The following OR6J1 variants were observed in gnomAD, a reference collection of about 807,000 sequenced individuals.
OR6J1 encodes olfactory receptor 6J1.
For missense variants in OR6J1, 304 were observed against 166.8 expected (o/e 1.82, Z -4.53); for synonymous variants, 109 against 70.0 (o/e 1.56, Z -2.78).
At chr14:22,637,585 G>A (rs2037600985) in intron 1 of OR6J1, among the ~76,000 whole-genome samples, 1 of 51,788 alleles carries the variant, frequency 1.9e-5, no homozygotes, top group Admixed American at 1.3e-4. Flanking sequence ...GGAGGGAGGT[G>A]GGGGGGTCAG....
chr14:22,640,548 T>C (rs1435668645), intron 1 of OR6J1, among the ~76,000 whole-genome samples: 1 of 145,392 alleles, frequency 6.9e-6, no homozygotes, highest in Non-Finnish European at 1.5e-5. Context: ...TGGAGTGCAG[T>C]AGTGGTAGCA....
Position 22,633,836 on chromosome 14 carries a change from TG to T in OR6J1, c.975del (p.Asn326ThrfsTer18). 1 of 702,608 alleles carries T rather than the reference TG, an allele frequency of 1.4e-6. No individual in the cohort carries two copies. The highest frequency in any genetic ancestry group is 2.6e-6 in the Non-Finnish European group (1 of 384,684). The allele number at this position is 702,608 out of a possible 1,614,324, so 43.5% of individuals were successfully genotyped here. Reference protein sequence around the residue: ...MRAVLRSRLSSNKDHQGRACS... With the variant: ...MRAVLRSRLSXNKDHQGRACS... ...CAAGCCCTTCCTTGGTGGTCTTTGT[TG>T]GAGGATAATCTGCTTCTCAGCACTG... On this transcript the variant is annotated frameshift_variant, in exon 2 of 2. Coordinates refer to ENST00000540461, the MANE Select transcript of OR6J1 (RefSeq NM_001348233.2). LOFTEE classifies it low-confidence loss of function (END_TRUNC).
At chr14:22,643,764 C>CACACACACACAG (rs1466950724) in intron 1 of OR6J1, among the ~76,000 whole-genome samples, 1 of 37,694 alleles carries the variant, frequency 2.7e-5, no homozygotes, top group Non-Finnish European at 5.1e-5. Flanking sequence ...CACACACACA[C>CACACACACACAG]AGAGAGAGAG....
At chr14:22,642,972 T>G (rs1417755270) in intron 1 of OR6J1, among the ~76,000 whole-genome samples, 1 of 150,866 alleles carries the variant, frequency 6.6e-6, no homozygotes, top group Non-Finnish European at 1.5e-5. Context: ...CTGGATAATT[T>G]TTTTTTTTTT....
chr14:22,635,817 G>A (rs1292784285), intron 1 of OR6J1, among the ~76,000 whole-genome samples: 1 of 152,128 alleles, frequency 6.6e-6, no homozygotes, highest in Admixed American at 6.5e-5. Flanking sequence ...AAACTTTTGT[G>A]TAAAGATCAA....
chr14:22,638,860 TCCC>T (rs2037618089), intron 1 of OR6J1, among the ~76,000 whole-genome samples: 1 of 110,278 alleles, frequency 9.1e-6, no homozygotes, highest in Non-Finnish European at 1.9e-5. Context: ...CCGGCCGCCA[TCCC>T]ATCTAGGAAG....
rs1034502918 is a variant in OR6J1, at chr14:22,633,890, G to A, written c.922C>T (p.Arg308Ter). 19 of 702,648 alleles carry A rather than the reference G, an allele frequency of 2.7e-5. No homozygotes were observed. The highest frequency in any genetic ancestry group is 2.3e-4 in the Middle Eastern group (1 of 4,388). 43.5% of individuals were successfully genotyped at this position (702,648 alleles called of 1,614,324 possible). ...CTCATCCTCTTTTCAAAAACTCCTC[G>A]AACCCTGACCCACACATCCCTGAGG... ...GVLRDVWVRV[R>*]GVFEKRMRAV... The change falls in exon 2 of 2, where the codon CGA becomes TGA. Residue 308 changes from arginine (R) to a stop codon, truncating the protein, a stop_gained. Coordinates refer to ENST00000540461, the MANE Select transcript of OR6J1 (RefSeq NM_001348233.2). LOFTEE classifies it low-confidence loss of function (END_TRUNC).
intron 1 of OR6J1, among the ~76,000 whole-genome samples, chr14:22,637,267 T>G (rs1220816118): frequency 3.0e-5 from 2 of 65,836 alleles, no homozygotes; most frequent in Non-Finnish European, 2.7e-5. Flanking sequence ...AGCCACCCCG[T>G]CCGGGAGGGA....
chr14:22,634,660 C>A lies in OR6J1; in HGVS notation c.152G>T (p.Cys51Phe). ...NLLIISTVLS[C>F]SRLHTPMYFF... ...GTACATGGGGGTGTGGAGGCGGGAG[C>A]AGGACAGCACAGTGGAGATGATGAG... Residue 51 changes from cysteine to phenylalanine, a missense_variant, in exon 2 of 2, where the codon TGC becomes TTC. Transcript: ENST00000540461. 1 of 741,164 alleles carries A rather than the reference C, an allele frequency of 1.3e-6. No individual in the cohort carries two copies. The highest frequency in any genetic ancestry group is 1.7e-5 in the African/African-American group (1 of 58,468). The allele number at this position is 741,164 out of a possible 1,614,324, so 45.9% of individuals were successfully genotyped here.
At chr14:22,638,100 T>A (rs2037609275) in intron 1 of OR6J1, among the ~76,000 whole-genome samples, 1 of 89,658 alleles carries the variant, frequency 1.1e-5, no homozygotes, top group African/African-American at 7.3e-5. Context: ...CGGCCGCCCC[T>A]ACTGGGAAGT....
intron 1 of OR6J1, among the ~76,000 whole-genome samples, chr14:22,642,347 A>G (rs1197851837): frequency 2.2e-5 from 2 of 92,486 alleles, no homozygotes; most frequent in Non-Finnish European, 4.4e-5. Flanking sequence ...ATATATATAT[A>G]TATATATTTG....
Position 22,640,232 on chromosome 14 carries a change from A to AGGAT in OR6J1, c.-28+3865_-28+3866insATCC, listed in dbSNP as rs1457662791. On this transcript the variant is annotated intron_variant, in intron 1 of 1. Coordinates refer to ENST00000540461, the MANE Select transcript of OR6J1 (RefSeq NM_001348233.2). Reference sequence around the variant, plus strand: ...AGGGAGGGAGGGAGGGAGGGAGGGAAGGAAGGATGGAAGGAAGGAAGGAAG... The same window carrying AGGAT: ...AGGGAGGGAGGGAGGGAGGGAGGGAAGGATGGAAGGATGGAAGGAAGGAAGGAAG... Among the ~76,000 whole-genome samples the AGGAT allele has an allele frequency of 3.1e-3, 271 of 88,162 alleles. 7 individuals carry two copies. The highest frequency in any genetic ancestry group is 0.011 in the African/African-American group (256 of 23,932). 57.8% of individuals were successfully genotyped at this position (88,162 alleles called of 152,430 possible). A position where few individuals can be genotyped will look rare whatever the true frequency, so the allele number is the denominator to read the frequency against.
At position 22,631,644 on chromosome 14, in the gene OR6J1, A is replaced by T. The variant is rs1461984872; in HGVS notation, c.*2124T>A. Reference sequence around the variant, plus strand: ...AATTATCACATGGTCCTGAGGTGACATACATCTTCCTCAGCTGACAGGATT... The same window carrying T: ...AATTATCACATGGTCCTGAGGTGACTTACATCTTCCTCAGCTGACAGGATT... On this transcript the variant is annotated 3_prime_UTR_variant, in exon 2 of 2. Transcript: ENST00000540461. The T allele has an allele frequency of 6.6e-6, 1 of 152,248 alleles. No homozygotes were observed. Among genetic ancestry groups the T allele is most frequent in the Non-Finnish European group, 1.5e-5 (1 of 68,046 alleles). The allele number at this position is 152,248 out of a possible 1,614,324, so 9.4% of individuals were successfully genotyped here.
At chr14:22,642,991 G>A (rs989026020) in intron 1 of OR6J1, among the ~76,000 whole-genome samples, 1 of 150,384 alleles carries the variant, frequency 6.6e-6, no homozygotes, top group Non-Finnish European at 1.5e-5. Context: ...TTTTGAGATG[G>A]AGTTTTACTC....
intron 1 of OR6J1, among the ~76,000 whole-genome samples, chr14:22,639,224 A>G (rs1311718750): frequency 8.3e-6 from 1 of 120,396 alleles, no homozygotes; most frequent in Non-Finnish European, 1.6e-5. Flanking sequence ...CCCGTCCGGG[A>G]GGGAGGTGGT....
chr14:22,634,936 G>A (rs940124923), intron 1 of OR6J1, 98 bp from the exon 2 acceptor site: 4 of 578,698 alleles, frequency 6.9e-6, no homozygotes, highest in African/African-American at 5.6e-5. Flanking sequence ...CATGATGACT[G>A]CCAGCTAGAC....
chr14:22,640,494 T>TTTTTTTTTTTTTTTTTTTTTTA (rs1566397339), intron 1 of OR6J1, among the ~76,000 whole-genome samples: 1 of 145,278 alleles, frequency 6.9e-6, no homozygotes, highest in African/African-American at 2.5e-5. Context: ...TATTTTTTTT[T>TTTTTTTTTTTTTTTTTTTTTTA]TTTTTTTTTT....
intron 1 of OR6J1, among the ~76,000 whole-genome samples, chr14:22,637,574 G>A (rs1594902355): frequency 5.8e-5 from 3 of 51,470 alleles, no homozygotes; most frequent in African/African-American, 1.3e-4. Flanking sequence ...CGCCCCGTCC[G>A]GGAGGGAGGT....
chr14:22,638,841 C>T (rs1408741085), intron 1 of OR6J1, among the ~76,000 whole-genome samples: 3 of 88,642 alleles, frequency 3.4e-5, no homozygotes, highest in Admixed American at 9.8e-5. Context: ...AAGTGAGGAG[C>T]GTCTCCGCCC....
Sources: gnomAD v4.1 joint callset for allele counts (sites outside exome capture counted in the v4.1 genomes callset) on GRCh38, gnomAD v4.1.1 for gene constraint, MANE v1.5 for transcripts, NCBI Gene and HGNC (gene_info 2026-07-23, HGNC 2026-07-21) for gene names.